The following HSPA12A variants were observed in gnomAD, a reference collection of about 807,000 sequenced individuals.
HSPA12A encodes heat shock 70 kDa protein 12A.
HSPA12A carries 28 observed loss-of-function variants against 69.2 expected under a neutral mutation model. The ratio of observed to expected loss-of-function variants is 0.40; its 90% CI spans 0.30 to 0.55. HSPA12A has a LOEUF of 0.55. Among genes scored for constraint, HSPA12A ranks in the 20% least tolerant of loss-of-function variants. HSPA12A has a pLI of 0.38. For missense variants in HSPA12A, 686 were observed against 900.7 expected, an observed-to-expected ratio of 0.76 and a Z score of 3.05; for synonymous variants, 345 against 370.5, an observed-to-expected ratio of 0.93 and a Z score of 0.79.
intron 1 of HSPA12A, among the ~76,000 whole-genome samples, chr10:116,716,801 G>T (rs1397104117): frequency 6.6e-6 from 1 of 152,128 alleles, no homozygotes; most frequent in Admixed American, 6.5e-5. Context: ...TCCATGAAGT[G>T]AGAATTGGTA....
At chr10:116,799,582 A>C (rs1844912287) in intron 2 of HSPA12A, among the ~76,000 whole-genome samples, 1 of 152,174 alleles carries the variant, frequency 6.6e-6, no homozygotes, top group Admixed American at 6.5e-5. Flanking sequence ...TGGAAAGGGA[A>C]CTACAAGCTC....
intron 1 of HSPA12A, among the ~76,000 whole-genome samples, chr10:116,840,539 A>G (rs1305902335): frequency 6.6e-6 from 1 of 152,240 alleles, no homozygotes; most frequent in Non-Finnish European, 1.5e-5. Context: ...AAAAGAAAGC[A>G]TTTATGATTA....
At chr10:116,680,552 G>T (rs1363316056) in intron 9 of HSPA12A, among the ~76,000 whole-genome samples, 1 of 152,070 alleles carries the variant, frequency 6.6e-6, no homozygotes, top group Non-Finnish European at 1.5e-5. Flanking sequence ...GTGGCGCAAT[G>T]TCTGCTCACT....
At position 116,681,268 on chromosome 10, in the gene HSPA12A, A is replaced by C. The variant is rs782717249; in HGVS notation, c.923-12T>G. 6 of 1,610,034 alleles carry C rather than the reference A, an allele frequency of 3.7e-6. No individual in the cohort carries two copies. Among genetic ancestry groups the C allele is most frequent in the Non-Finnish European group, 4.2e-6 (5 of 1,176,514 alleles). On this transcript the variant is annotated splice_polypyrimidine_tract_variant and intron_variant, in intron 8 of 11. Coordinates refer to ENST00000369209, the MANE Select transcript of HSPA12A (RefSeq NM_025015.3). The stretch of plus-strand genomic sequence containing the variant: ...CACATACTTATCACCTGGCACAAAA[A>C]CAGCCATCTTTTACACAGACTGTTT...
At chr10:116,795,887 C>T (rs989902409) in intron 2 of HSPA12A, among the ~76,000 whole-genome samples, 5 of 151,288 alleles carry the variant, frequency 3.3e-5, no homozygotes, top group African/African-American at 1.2e-4. Flanking sequence ...TGGCTCATGC[C>T]TGTAATCCTA....
chr10:116,707,149 GCGCGCA>G (rs782560027), intron 2 of HSPA12A, 45 bp downstream of exon 2: 12,113 of 444,630 alleles, frequency 0.027, 568 homozygotes, highest in African/African-American at 0.26. Context: ...GCGCACCCAT[GCGCGCA>G]CACACACACA....
chr10:116,806,788 G>A (rs1167779202), intron 2 of HSPA12A, among the ~76,000 whole-genome samples: 1 of 152,254 alleles, frequency 6.6e-6, no homozygotes, highest in Non-Finnish European at 1.5e-5. Context: ...TGGAAGGCTG[G>A]TGCAGGGGAT....
intron 1 of HSPA12A, among the ~76,000 whole-genome samples, chr10:116,843,470 G>C (rs1845834462): frequency 6.6e-6 from 1 of 152,186 alleles, no homozygotes; most frequent in African/African-American, 2.4e-5. Context: ...ATCTGACATG[G>C]ATTTTTTAAA....
chr10:116,794,830 G>T (rs1415038945), intron 2 of HSPA12A, among the ~76,000 whole-genome samples: 1 of 152,168 alleles, frequency 6.6e-6, no homozygotes, highest in Non-Finnish European at 1.5e-5. Flanking sequence ...AGAAAAAAAA[G>T]ATAATAGTTT....
chr10:116,801,839 C>T (rs1035562090), intron 2 of HSPA12A, among the ~76,000 whole-genome samples: 1 of 151,992 alleles, frequency 6.6e-6, no homozygotes, highest in African/African-American at 2.4e-5. Context: ...GATCTTTGTC[C>T]TGTGGTTAGG....
intron 2 of HSPA12A, among the ~76,000 whole-genome samples, chr10:116,826,104 C>T (rs1334514094): frequency 6.6e-6 from 1 of 152,082 alleles, no homozygotes; most frequent in African/African-American, 2.4e-5. Context: ...ATGCCCCACC[C>T]CCACACACAC....
chr10:116,789,305 C>T (rs1300842361), intron 2 of HSPA12A, among the ~76,000 whole-genome samples: 13 of 151,704 alleles, frequency 8.6e-5, no homozygotes, highest in African/African-American at 3.2e-4. Flanking sequence ...TATACATATA[C>T]CATTATATAT....
At chr10:116,735,814 T>TAGTG (rs1449211625) in intron 1 of HSPA12A, among the ~76,000 whole-genome samples, 2 of 148,548 alleles carry the variant, frequency 1.3e-5, no homozygotes, top group African/African-American at 5.0e-5. Flanking sequence ...CTGGGCAACA[T>TAGTG]AGTGAGACCT....
chr10:116,754,986 C>T (rs1423577364), intron 2 of HSPA12A, among the ~76,000 whole-genome samples: 1 of 152,020 alleles, frequency 6.6e-6, no homozygotes, highest in Non-Finnish European at 1.5e-5. Flanking sequence ...CAGAATCTCA[C>T]TCTGTCGCCC....
intron 2 of HSPA12A, 47 bp downstream of exon 2, chr10:116,707,153 G>GCACACACA (rs59728190): frequency 4.9e-4 from 286 of 583,348 alleles, no homozygotes; most frequent in Middle Eastern, 4.7e-3. Context: ...ACCCATGCGC[G>GCACACACA]CACACACACA....
At chr10:116,750,567 C>A in intron 2 of HSPA12A, 1 of 349,862 alleles carries the variant, frequency 2.9e-6, no homozygotes, top group Non-Finnish European at 5.5e-6. Flanking sequence ...AAAAAACAGT[C>A]CTCTCAATAC....
At chr10:116,848,312 G>A (rs920307328) in intron 1 of HSPA12A, among the ~76,000 whole-genome samples, 5 of 152,248 alleles carry the variant, frequency 3.3e-5, no homozygotes, top group Non-Finnish European at 7.3e-5. Flanking sequence ...CACGGAGGAA[G>A]TTTGGAAGGT....
intron 1 of HSPA12A, among the ~76,000 whole-genome samples, chr10:116,732,324 A>AAAGC (rs1554885895): frequency 3.6e-5 from 1 of 27,456 alleles, no homozygotes; most frequent in Non-Finnish European, 9.3e-5. Context: ...CGTCTCAAAA[A>AAAGC]AAACAAAGAA....
rs1850855568 is a variant in HSPA12A at position 116,723,677 on chromosome 10, T to C, written c.41-16392A>G. 6.6e-6 allele frequency among the ~76,000 whole-genome samples: 1 copy of C among 152,208 alleles called. No homozygotes were observed. Among genetic ancestry groups the C allele is most frequent in the African/African-American group, 2.4e-5 (1 of 41,454 alleles). On this transcript the variant is annotated intron_variant, in intron 1 of 11. Transcript: ENST00000369209. The surrounding 1 kb of genome is among the most constrained non-coding windows in gnomAD (Gnocchi z 4.1). The stretch of plus-strand genomic sequence containing the variant: ...CCTGACATTCATTCCTGAGACCCAC[T>C]GCGCACACGTGCTGAGGTTTTAAAA...
Sources: allele counts gnomAD v4.1 joint callset (sites outside exome capture counted in the v4.1 genomes callset), GRCh38; gene constraint gnomAD v4.1.1; non-coding constraint Gnocchi (gnomAD v3.1); transcripts MANE v1.5; gene names NCBI Gene and HGNC (gene_info 2026-07-23, HGNC 2026-07-21).